The following PPP1R36 variants were observed in gnomAD, a reference collection of about 807,000 sequenced individuals.
PPP1R36 encodes the protein chromosome 14 open reading frame 50.
PPP1R36 carries 47 observed loss-of-function variants against 53.4 expected under a neutral mutation model. The observed-to-expected ratio is 0.88, with a 90% confidence interval of 0.70 to 1.12. PPP1R36 has a LOEUF of 1.12. PPP1R36 is among the 50% of genes most tolerant of loss of function. The probability of loss-of-function intolerance (pLI) is 0.00; values close to 1 mark genes in which losing one functional copy is unlikely to be tolerated. For synonymous variants in PPP1R36, 153 were observed against 170.5 expected, an observed-to-expected ratio of 0.90 and a Z score of 0.80; for missense variants, 456 against 513.9, an observed-to-expected ratio of 0.89 and a Z score of 1.09.
chr14:64,550,975 G>C lies in PPP1R36; in HGVS notation c.124G>C (p.Glu42Gln). The C allele has an allele frequency of 2.5e-6, 4 of 1,602,616 alleles. No homozygotes were observed. The highest frequency in any genetic ancestry group is 2.2e-5 in the East Asian group (1 of 44,798). Residue 42 changes from glutamate (E) to glutamine (Q), a missense_variant, in exon 2 of 12, where the codon GAA (glutamate) becomes CAA (glutamine). Transcript: ENST00000298705. ...CTGGAAAGATGAAACCAGAACTCTT[G>C]AATTCAGAAGGTAAAATTTAACAAC... ...WYWKDETRTL[E>Q]FRRFAAEDSV...
chr14:64,565,507 A>G, intron 5 of PPP1R36, 53 bp downstream of exon 5: 1 of 1,432,838 alleles, frequency 7.0e-7, no homozygotes, highest in Admixed American at 1.7e-5. Context: ...ACATACATAC[A>G]CATATCCATA....
chr14:64,551,796 C>A, intron 2 of PPP1R36: 1 of 375,148 alleles, frequency 2.7e-6, no homozygotes, highest in Non-Finnish European at 5.3e-6. Context: ...GTGGCAGGAA[C>A]TATCTTATTC....
intron 6 of PPP1R36, among the ~76,000 whole-genome samples, chr14:64,566,080 C>T (rs2080252343): frequency 6.6e-6 from 1 of 152,090 alleles, no homozygotes; most frequent in South Asian, 2.1e-4. Context: ...CCAGACTGGC[C>T]AACGTGGTGA....
chr14:64,567,068 G>C (rs2080264456), intron 6 of PPP1R36, among the ~76,000 whole-genome samples: 2 of 152,222 alleles, frequency 1.3e-5, no homozygotes, highest in African/African-American at 4.8e-5. Context: ...TTGGCCCAGT[G>C]TCTGTTGCTG....
At position 64,588,971 on chromosome 14, in the gene PPP1R36, A is replaced by G. The variant is rs537272352; in HGVS notation, c.1083-181A>G. Among the ~76,000 whole-genome samples the G allele has an allele frequency of 2.0e-5, 3 of 152,328 alleles. No homozygotes were observed. In the South Asian group the frequency reaches 6.2e-4, roughly 32 times the overall value. On this transcript the variant is annotated intron_variant, in intron 11 of 11. Transcript: ENST00000298705. Reference sequence around the variant, plus strand: ...TAAGGATTTACTTTTGGACTCATATATAAGACTACAGTGGTAGTTCATGGA... The same window carrying G: ...TAAGGATTTACTTTTGGACTCATATGTAAGACTACAGTGGTAGTTCATGGA...
chr14:64,558,588 A>C (rs901369183), intron 3 of PPP1R36, among the ~76,000 whole-genome samples: 1 of 151,976 alleles, frequency 6.6e-6, no homozygotes, highest in African/African-American at 2.4e-5. Context: ...CAAAAAACAA[A>C]TAAACAAAAC....
At chr14:64,564,862 A>G (rs1174304216) in intron 4 of PPP1R36, 25 bp downstream of exon 4, 1 of 1,486,230 alleles carries the variant, frequency 6.7e-7, no homozygotes, top group Non-Finnish European at 9.3e-7. Flanking sequence ...CAATCATGCC[A>G]GAGTTGCTGA....
At chr14:64,572,213 T>A (rs2080308899) in intron 7 of PPP1R36, among the ~76,000 whole-genome samples, 1 of 152,194 alleles carries the variant, frequency 6.6e-6, no homozygotes, top group Non-Finnish European at 1.5e-5. Context: ...TTATGATAAT[T>A]TCTATGGCTC....
intron 8 of PPP1R36, among the ~76,000 whole-genome samples, chr14:64,575,366 T>A (rs191372133): frequency 6.6e-6 from 1 of 152,378 alleles, no homozygotes; most frequent in African/African-American, 2.4e-5. Context: ...TTGTATTCTG[T>A]ATTTCCTGGG....
Position 64,589,207 on chromosome 14 carries a change from C to T in PPP1R36, c.1138C>T (p.Leu380Phe). 1 of 1,614,082 alleles carries T rather than the reference C, an allele frequency of 6.2e-7. No homozygotes were observed. Among genetic ancestry groups the T allele is most frequent in the Non-Finnish European group, 8.5e-7 (1 of 1,179,986 alleles). ...ATTCAACCCACATACGCTTCACCCC[C>T]TTGATCCAGAAGAAAACACAAAATC... ...CLFNPHTLHP[L>F]DPEENTKSFG... The change falls in exon 12 of 12, where the codon CTT becomes TTT. Residue 380 changes from leucine to phenylalanine, a missense_variant. Coordinates refer to ENST00000298705, the MANE Select transcript of PPP1R36 (RefSeq NM_172365.3).
intron 8 of PPP1R36, among the ~76,000 whole-genome samples, chr14:64,575,990 T>C (rs528344924): frequency 3.3e-5 from 5 of 152,078 alleles, no homozygotes; most frequent in African/African-American, 7.2e-5. Context: ...AGTAAGTATA[T>C]CTGGTTGCAT....
intron 2 of PPP1R36, among the ~76,000 whole-genome samples, chr14:64,552,181 T>C (rs184018353): frequency 6.6e-6 from 1 of 152,168 alleles, no homozygotes; most frequent in Admixed American, 6.6e-5. Context: ...TTCACCCATA[T>C]ACAGCATTGA....
intron 8 of PPP1R36, among the ~76,000 whole-genome samples, chr14:64,582,076 G>A (rs9944101): frequency 0.44 from 66,072 of 151,832 alleles, 15,416 homozygotes; most frequent in East Asian, 0.63. Flanking sequence ...TGGGGCTGAC[G>A]GGGAAAAAGG....
chr14:64,576,078 CTTT>C lies in PPP1R36; in HGVS notation c.668+1507_668+1509del, dbSNP rs5809235. ...AAAGATGTTTTATTTGACTGAGTAT[CTTT>C]TTTTTTTTTTTTTTTTTGACAAAGT... On this transcript the variant is annotated intron_variant, in intron 8 of 11. Transcript: ENST00000298705. Among the ~76,000 whole-genome samples, 354 of 108,988 alleles carry C rather than the reference CTTT, an allele frequency of 3.2e-3. 1 individual carries two copies. The highest frequency in any genetic ancestry group is 0.016 in the East Asian group (58 of 3,588). 71.5% of individuals were successfully genotyped at this position (108,988 alleles called of 152,430 possible). A position where few individuals can be genotyped will look rare whatever the true frequency, so the allele number is the denominator to read the frequency against.
chr14:64,553,943 C>G (rs545883124), intron 3 of PPP1R36, among the ~76,000 whole-genome samples: 4 of 151,774 alleles, frequency 2.6e-5, no homozygotes, highest in Admixed American at 1.3e-4. Context: ...GGTGAGCCAG[C>G]CTGTTTTTGG....
chr14:64,552,262 G>T (rs1038161569), intron 2 of PPP1R36, among the ~76,000 whole-genome samples: 3 of 152,192 alleles, frequency 2.0e-5, no homozygotes, highest in African/African-American at 7.2e-5. Context: ...GCTGAGGCGG[G>T]CAGATCACCT....
At chr14:64,570,208 G>A (rs2080292056) in intron 7 of PPP1R36, among the ~76,000 whole-genome samples, 1 of 152,118 alleles carries the variant, frequency 6.6e-6, no homozygotes, top group Non-Finnish European at 1.5e-5. Context: ...TTTTGGCCGG[G>A]CACGGTGGCT....
chr14:64,565,596 C>T, intron 5 of PPP1R36, 30 bp from the exon 6 acceptor site: 1 of 1,591,870 alleles, frequency 6.3e-7, no homozygotes, highest in Non-Finnish European at 8.6e-7. Context: ...CTCTTTGTCC[C>T]TCTCTCAATT....
At chr14:64,585,627 C>T (rs1438370523) in intron 8 of PPP1R36, among the ~76,000 whole-genome samples, 1 of 151,840 alleles carries the variant, frequency 6.6e-6, no homozygotes, top group Non-Finnish European at 1.5e-5. Context: ...ATCCTGAACT[C>T]CTACAGTCTG....
Sources: gnomAD v4.1 joint callset for allele counts (sites outside exome capture counted in the v4.1 genomes callset) on GRCh38, gnomAD v4.1.1 for gene constraint, MANE v1.5 for transcripts, NCBI Gene and HGNC (gene_info 2026-07-23, HGNC 2026-07-21) for gene names.